ZFHX3: variants seen among roughly 807,000 people sequenced by gnomAD.
ZFHX3 encodes zinc finger homeobox protein 3.
ZFHX3 carries 42 observed loss-of-function variants against 279.1 expected under a neutral mutation model. That is an observed-to-expected ratio of 0.15 (90% CI 0.12 to 0.19). The LOEUF is 0.19. Among genes scored for constraint, ZFHX3 ranks in the 10% least tolerant of loss-of-function variants. ZFHX3 has a pLI of 1.00. For missense variants in ZFHX3, 4,981 were observed against 4,754.0 expected, an observed-to-expected ratio of 1.05 and a Z score of -1.40; for synonymous variants, 2,293 against 1,957.8, an observed-to-expected ratio of 1.17 and a Z score of -4.52.
chr16:73,805,862 G>T lies in ZFHX3; in HGVS notation c.-1608+85789C>A, dbSNP rs151055911. 4.2e-3 allele frequency among the ~76,000 whole-genome samples: 638 copies of T among 152,292 alleles called. 3 individuals carry two copies. Among genetic ancestry groups the T allele is most frequent in the African/African-American group, 0.015 (604 of 41,560 alleles). ...TCTTCGGCTCAGGTGGTCATAGAAG[G>T]CCTCTCTGAGAAGGTGACTTGCTCA... is the stretch of plus-strand genomic sequence containing the variant. On this transcript the variant is annotated intron_variant, in intron 1 of 17. Coordinates refer to the ZFHX3 transcript ENST00000641206.
chr16:73,367,094 C>T (rs1464410226), intron 3 of ZFHX3, among the ~76,000 whole-genome samples: 1 of 152,180 alleles, frequency 6.6e-6, no homozygotes, highest in East Asian at 1.9e-4. Flanking sequence ...CCCAGTTCTC[C>T]TTCCTGGTTC....
At chr16:73,484,121 G>C (rs535096635) in intron 2 of ZFHX3, among the ~76,000 whole-genome samples, 1 of 152,128 alleles carries the variant, frequency 6.6e-6, no homozygotes, top group East Asian at 1.9e-4. Flanking sequence ...GGTAGGAAAG[G>C]CGCAGTTGTG....
chr16:72,829,988 G>C, intron 4 of ZFHX3, 129 bp from the exon 5 acceptor site: 1 of 911,674 alleles, frequency 1.1e-6, no homozygotes, highest in Non-Finnish European at 1.7e-6. Context: ...CTTTCCAGAG[G>C]CCCCTGGGAG....
In ZFHX3 at chr16:72,820,330, C is replaced by CAAGG. The variant is rs2036751608; in HGVS notation, c.3530-8293_3530-8292insCCTT. On this transcript the variant is annotated intron_variant, in intron 5 of 9. Transcript: ENST00000268489. ...TGCACTAATTCCTTGCTGAAGTATG[C>CAAGG]ATAAGGCTGCTTAACCACACTGATT... 2.0e-5 allele frequency among the ~76,000 whole-genome samples: 3 copies of CAAGG among 152,332 alleles called. No individual in the cohort carries two copies. The South Asian group carries it at 6.2e-4, about 32-fold the overall frequency.
At chr16:73,754,399 G>GT (rs1317435454) in intron 1 of ZFHX3, among the ~76,000 whole-genome samples, 10 of 151,996 alleles carry the variant, frequency 6.6e-5, no homozygotes, top group African/African-American at 2.4e-4. Context: ...GAAGAGAGAG[G>GT]TTTGTACGTT....
chr16:72,908,146 C>A (rs1451036609), intron 3 of ZFHX3, among the ~76,000 whole-genome samples: 1 of 152,168 alleles, frequency 6.6e-6, no homozygotes, highest in Non-Finnish European at 1.5e-5. Flanking sequence ...ATGTGGCACA[C>A]CCCCCAGTGA....
At chr16:72,901,842 A>G (rs75757159) in intron 3 of ZFHX3, among the ~76,000 whole-genome samples, 1,566 of 152,274 alleles carry the variant, frequency 0.01, 45 homozygotes, top group East Asian at 0.042. Context: ...CTCATTTCCC[A>G]GCTCTGCTTT....
intron 3 of ZFHX3, among the ~76,000 whole-genome samples, chr16:73,354,704 C>T (rs2016306820): frequency 6.6e-6 from 1 of 152,240 alleles, no homozygotes; most frequent in Admixed American, 6.5e-5. Context: ...GCGACCTCAT[C>T]CACCCTTCTT....
chr16:73,101,706 T>C (rs1369762459), intron 7 of ZFHX3, among the ~76,000 whole-genome samples: 1 of 149,984 alleles, frequency 6.7e-6, no homozygotes, highest in Non-Finnish European at 1.5e-5. Context: ...CTGGCCAGAG[T>C]TTGGCATTTC....
At chr16:73,146,154 G>A (rs954875229) in intron 5 of ZFHX3, among the ~76,000 whole-genome samples, 7 of 152,182 alleles carry the variant, frequency 4.6e-5, no homozygotes, top group African/African-American at 1.7e-4. Context: ...TCTGGGCCGG[G>A]TGCGGTGACT....
chr16:73,625,912 C>G (rs2052410839), intron 2 of ZFHX3, among the ~76,000 whole-genome samples: 2 of 152,144 alleles, frequency 1.3e-5, no homozygotes, highest in Admixed American at 6.5e-5. Context: ...GGCTGGAGTT[C>G]AGCGGCACGA....
intron 1 of ZFHX3, among the ~76,000 whole-genome samples, chr16:73,856,230 C>A (rs1485938281): frequency 6.6e-6 from 1 of 152,044 alleles, no homozygotes; most frequent in Non-Finnish European, 1.5e-5. Flanking sequence ...GGGATTACAC[C>A]TTATTTTTTA....
intron 2 of ZFHX3, among the ~76,000 whole-genome samples, chr16:73,597,824 T>C (rs1257907572): frequency 6.6e-6 from 1 of 152,254 alleles, no homozygotes; most frequent in African/African-American, 2.4e-5. Flanking sequence ...ACATAGTTCA[T>C]GCTGATGTAG....
At chr16:73,067,683 G>A (rs1283091063) in intron 8 of ZFHX3, among the ~76,000 whole-genome samples, 2 of 152,194 alleles carry the variant, frequency 1.3e-5, no homozygotes, top group Non-Finnish European at 2.9e-5. Flanking sequence ...TTCATCCCTT[G>A]TCCCTTTGCA....
At chr16:73,523,621 GTT>G (rs3087040) in intron 2 of ZFHX3, among the ~76,000 whole-genome samples, 37,415 of 143,990 alleles carry the variant, frequency 0.26, 5,953 homozygotes, top group South Asian at 0.48. Context: ...TGGAAGCTGG[GTT>G]TTTTTTTTTT....
At chr16:73,772,204 C>T (rs2054025872) in intron 1 of ZFHX3, among the ~76,000 whole-genome samples, 1 of 152,142 alleles carries the variant, frequency 6.6e-6, no homozygotes, top group Admixed American at 6.5e-5. Flanking sequence ...TTTCACACTG[C>T]TGATACAGAC....
chr16:73,497,753 G>A (rs754268921), intron 2 of ZFHX3, among the ~76,000 whole-genome samples: 33 of 152,154 alleles, frequency 2.2e-4, no homozygotes, highest in Non-Finnish European at 4.3e-4. Flanking sequence ...AGGTTGAAAC[G>A]CTCCCAAAGA....
chr16:73,325,093 T>C (rs752808021), intron 3 of ZFHX3, among the ~76,000 whole-genome samples: 5 of 152,016 alleles, frequency 3.3e-5, no homozygotes, highest in Non-Finnish European at 7.4e-5. Flanking sequence ...GGCTGCGAAG[T>C]AGAGAATGGA....
chr16:73,593,830 T>C (rs1484069663), intron 2 of ZFHX3, among the ~76,000 whole-genome samples: 3 of 152,160 alleles, frequency 2.0e-5, no homozygotes, highest in Admixed American at 6.5e-5. Context: ...ACGAGAGAAC[T>C]TGATAAAACT....
Sources: allele counts gnomAD v4.1 joint callset (sites outside exome capture counted in the v4.1 genomes callset), GRCh38; gene constraint gnomAD v4.1.1; transcripts MANE v1.5; gene names NCBI Gene and HGNC (gene_info 2026-07-23, HGNC 2026-07-21).